HDGFL3: variants seen among roughly 807,000 people sequenced by gnomAD.
The protein encoded by HDGFL3 is HDGF like 3, also known as hepatoma-derived growth factor-related protein 3.
A neutral mutation model predicts 27.6 loss-of-function variants in HDGFL3; 6 were observed. The ratio of observed to expected loss-of-function variants is 0.22; its 90% CI spans 0.12 to 0.43. HDGFL3 has a LOEUF of 0.43. Ranked by LOEUF, HDGFL3 falls within the 20% of genes least tolerant of loss-of-function variation. The pLI is 1.00. For missense variants in HDGFL3, 207 were observed against 250.1 expected, an observed-to-expected ratio of 0.83 and a Z score of 1.16; for synonymous variants, 88 against 88.9, an observed-to-expected ratio of 0.99 and a Z score of 0.05.
Position 83,158,163 on chromosome 15 carries a change from A to ACC in HDGFL3, c.162-124_162-123dup. 25 of 780,092 alleles carry ACC rather than the reference A, an allele frequency of 3.2e-5. No individual in the cohort carries two copies. In the South Asian group the frequency reaches 5.1e-4, roughly 16 times the overall value. The allele number at this position is 780,092 out of a possible 1,614,324, so 48.3% of individuals were successfully genotyped here. A position where few individuals can be genotyped will look rare whatever the true frequency, so the allele number is the denominator to read the frequency against. ...GCAAACAAATCTAAAGTACATATAAACCCTTCAAGTTAGGCACATATTACG... is the reference window on the plus strand; with the variant it reads ...GCAAACAAATCTAAAGTACATATAAACCCCCTTCAAGTTAGGCACATATTACG... On this transcript the variant is annotated intron_variant, in intron 2 of 5. Coordinates refer to ENST00000299633, the MANE Select transcript of HDGFL3 (RefSeq NM_016073.4).
At chr15:83,175,106 A>T (rs2037292584) in intron 1 of HDGFL3, among the ~76,000 whole-genome samples, 1 of 152,242 alleles carries the variant, frequency 6.6e-6, no homozygotes, top group African/African-American at 2.4e-5. Context: ...ATAGTTGCCC[A>T]CTTTAGACAA....
intron 1 of HDGFL3, among the ~76,000 whole-genome samples, chr15:83,186,602 C>T (rs1249935982): frequency 6.6e-6 from 1 of 152,120 alleles, no homozygotes; most frequent in East Asian, 1.9e-4. Context: ...AAACCGAAGG[C>T]CATTATTTTA....
chr15:83,113,161 TTGACCTC>T lies in HDGFL3; in HGVS notation c.*2541_*2547del, dbSNP rs532881743. 4.1e-4 allele frequency: 221 copies of T among 539,046 alleles called. 1 individual carries two copies. Among genetic ancestry groups the T allele is most frequent in the Non-Finnish European group, 6.5e-4 (195 of 297,882 alleles). The allele number at this position is 539,046 out of a possible 1,614,324, so 33.4% of individuals were successfully genotyped here. ...GGCACCCTGCCAACCCCAGCATGCT[TTGACCTC>T]TGACCTCTGACCTCGACTCTCATGC... is the stretch of plus-strand genomic sequence containing the variant. On this transcript the variant is annotated 3_prime_UTR_variant, in exon 4 of 4. Transcript: ENST00000568294.
chr15:83,180,131 G>C (rs17158063), intron 1 of HDGFL3, among the ~76,000 whole-genome samples: 41,049 of 151,854 alleles, frequency 0.27, 5,966 homozygotes, highest in East Asian at 0.54. Context: ...AAAAAATAGG[G>C]AAGACCAAAG....
intron 1 of HDGFL3, among the ~76,000 whole-genome samples, chr15:83,192,485 T>C (rs554716256): frequency 6.6e-6 from 1 of 152,154 alleles, no homozygotes; most frequent in African/African-American, 2.4e-5. Context: ...TAATTTTTGA[T>C]GAGTCAATGT....
At chr15:83,195,927 T>G (rs944983082) in intron 1 of HDGFL3, among the ~76,000 whole-genome samples, 1 of 151,956 alleles carries the variant, frequency 6.6e-6, no homozygotes, top group African/African-American at 2.4e-5. Flanking sequence ...AAAACTAATA[T>G]CCAACGAAGT....
At chr15:83,149,312 T>C (rs1241700401) in intron 5 of HDGFL3, among the ~76,000 whole-genome samples, 1 of 152,230 alleles carries the variant, frequency 6.6e-6, no homozygotes, top group Admixed American at 6.5e-5. Context: ...CAAGAAGAAA[T>C]GGTTTTATTA....
At chr15:83,144,590 G>A (rs2151394975) in intron 5 of HDGFL3, 1 of 453,856 alleles carries the variant, frequency 2.2e-6, no homozygotes. Context: ...AGGCCTCTGG[G>A]AAACAACTCA....
chr15:83,127,215 AAAAGT>A (rs2151376417), downstream of HDGFL3: 8 of 806,536 alleles, frequency 9.9e-6, no homozygotes, highest in Admixed American at 2.7e-4. Flanking sequence ...AAATAAAAAT[AAAAGT>A]AAAAAAAAAA....
chr15:83,127,690 G>T (rs1596515642), downstream of HDGFL3: 8 of 459,302 alleles, frequency 1.7e-5, no homozygotes, highest in Non-Finnish European at 2.7e-5. Context: ...CAGTTACACA[G>T]ATGAGGAAGT....
intron 1 of HDGFL3, among the ~76,000 whole-genome samples, chr15:83,168,142 G>A (rs2037196318): frequency 6.6e-6 from 1 of 152,232 alleles, no homozygotes; most frequent in South Asian, 2.1e-4. Context: ...CAAAATCTCA[G>A]GGATACAGCA....
Position 83,112,927 on chromosome 15 carries a change from T to C in HDGFL3, c.*2782A>G, listed in dbSNP as rs757373408. 7 of 1,517,416 alleles carry C rather than the reference T, an allele frequency of 4.6e-6. No homozygotes were observed. The African/African-American group carries it at 6.8e-5, about 15-fold the overall frequency. 94.0% of individuals were successfully genotyped at this position (1,517,416 alleles called of 1,614,324 possible). The stretch of plus-strand genomic sequence containing the variant: ...TACGTCTCCACAAAGGGAAATCTTT[T>C]GTATCTGATTAATAACACAATACTT... On this transcript the variant is annotated 3_prime_UTR_variant, in exon 4 of 4. Coordinates refer to the HDGFL3 transcript ENST00000568294.
At position 83,157,843 on chromosome 15, in the gene HDGFL3, G is replaced by A. The variant is rs979668275; in HGVS notation, c.300+60C>T. ...TAGAAAGGACATATAAGAAAGATTT[G>A]AAAAAGCGTTAAAACCAAAGAAATG... On this transcript the variant is annotated intron_variant, in intron 3 of 5. Transcript: ENST00000299633. The A allele has an allele frequency of 8.0e-6, 12 of 1,496,582 alleles. No individual in the cohort carries two copies. In the African/African-American group the frequency reaches 1.7e-4, roughly 21 times the overall value. 92.7% of individuals were successfully genotyped at this position (1,496,582 alleles called of 1,614,324 possible).
At chr15:83,145,093 C>G (rs2036864253) in intron 5 of HDGFL3, among the ~76,000 whole-genome samples, 1 of 151,970 alleles carries the variant, frequency 6.6e-6, no homozygotes, top group Non-Finnish European at 1.5e-5. Context: ...AAAATCTCTT[C>G]TTTCTTTCCC....
intron 2 of HDGFL3, among the ~76,000 whole-genome samples, chr15:83,161,748 T>A (rs889810771): frequency 1.2e-4 from 18 of 152,334 alleles, no homozygotes; most frequent in African/African-American, 4.1e-4. Flanking sequence ...TAAACAACCC[T>A]GTTTTTTTCT....
intron 1 of HDGFL3, among the ~76,000 whole-genome samples, chr15:83,197,374 G>C (rs2037584326): frequency 6.6e-6 from 1 of 152,162 alleles, no homozygotes. Context: ...TGTGCTTACA[G>C]TAACTTTTCA....
At chr15:83,145,863 T>C (rs1454021054) in intron 5 of HDGFL3, among the ~76,000 whole-genome samples, 7 of 147,840 alleles carry the variant, frequency 4.7e-5, no homozygotes, top group African/African-American at 1.7e-4. Context: ...TGTTCTTTCT[T>C]TTTTTTTTTT....
chr15:83,144,792 T>A, intron 5 of HDGFL3: 1 of 342,032 alleles, frequency 2.9e-6, no homozygotes. Context: ...TTTAGCAAGT[T>A]GCACCTGAAT....
intron 1 of HDGFL3, among the ~76,000 whole-genome samples, chr15:83,198,625 G>A (rs2037600993): frequency 6.6e-6 from 1 of 152,116 alleles, no homozygotes; most frequent in Admixed American, 6.5e-5. Flanking sequence ...GTATAAGCAT[G>A]GTACCAGCAT....
Sources: gnomAD v4.1 joint callset for allele counts (sites outside exome capture counted in the v4.1 genomes callset) on GRCh38, gnomAD v4.1.1 for gene constraint, MANE v1.5 for transcripts, NCBI Gene and HGNC (gene_info 2026-07-23, HGNC 2026-07-21) for gene names.